The following DENND3 variants were observed in gnomAD, a reference collection of about 807,000 sequenced individuals.
The protein encoded by DENND3 is DENN domain-containing protein 3.
A neutral mutation model predicts 135.1 loss-of-function variants in DENND3; 88 were observed. That is an observed-to-expected ratio of 0.65 (90% confidence interval 0.55 to 0.78). The LOEUF is 0.78. Among genes scored for constraint, DENND3 ranks in the 30% least tolerant of loss-of-function variants. The probability of loss-of-function intolerance (pLI) is 0.00; values close to 1 mark genes in which losing one functional copy is unlikely to be tolerated. For missense variants in DENND3, 1,392 were observed against 1,688.4 expected, an observed-to-expected ratio of 0.82 and a Z score of 3.08; for synonymous variants, 693 against 712.3, an observed-to-expected ratio of 0.97 and a Z score of 0.43.
In DENND3 at chr8:141,144,120, G is replaced by T; in HGVS notation, c.624-28G>T. 6.4e-7 allele frequency: 1 copy of T among 1,573,514 alleles called. No homozygotes were observed. On this transcript the variant is annotated intron_variant, in intron 4 of 22. Transcript: ENST00000519811. This position sits in a 1 kb window ranked among gnomAD's most constrained non-coding sequence, Gnocchi z 4.4. ...AACTGCGTTCTCATCTTTATTTTGCGGTTTGAGTTTTGTGTTTCGAATTTC... is the reference window on the plus strand; with the variant it reads ...AACTGCGTTCTCATCTTTATTTTGCTGTTTGAGTTTTGTGTTTCGAATTTC...
At chr8:141,156,251 C>G (rs1365685972) in intron 8 of DENND3, among the ~76,000 whole-genome samples, 2 of 152,140 alleles carry the variant, frequency 1.3e-5, no homozygotes, top group Admixed American at 1.3e-4. Flanking sequence ...AGGCGCCCAC[C>G]ACCATGCCTG....
chr8:141,144,446 G>A lies in DENND3; in HGVS notation c.735+187G>A, dbSNP rs1817808299. 6.6e-6 allele frequency among the ~76,000 whole-genome samples: 1 copy of A among 151,752 alleles called. No homozygotes were observed. Among genetic ancestry groups the A allele is most frequent in the Admixed American group, 6.6e-5 (1 of 15,260 alleles). ...CCCTTTTGGCCAAGGGGACCCCAGA[G>A]AAACCCAAAAAACAGAATGACTGGC... is the stretch of plus-strand genomic sequence containing the variant. On this transcript the variant is annotated intron_variant, in intron 5 of 22. Transcript: ENST00000519811. This position sits in a 1 kb window ranked among gnomAD's most constrained non-coding sequence, Gnocchi z 4.4.
At chr8:141,158,132 G>A (rs1190082004) in intron 8 of DENND3, 1 of 1,286,118 alleles carries the variant, frequency 7.8e-7, no homozygotes, top group Admixed American at 2.4e-5. Flanking sequence ...CGATGGTCCT[G>A]CACAGGCAAG....
chr8:141,171,172 T>G (rs1291709382), intron 13 of DENND3, among the ~76,000 whole-genome samples: 1 of 152,140 alleles, frequency 6.6e-6, no homozygotes, highest in Non-Finnish European at 1.5e-5. Context: ...AAGCAGCACC[T>G]AATACATGTT....
chr8:141,184,105 T>C (rs73362495), intron 17 of DENND3, among the ~76,000 whole-genome samples: 8,322 of 152,318 alleles, frequency 0.055, 758 homozygotes, highest in African/African-American at 0.19. Context: ...GCCTACAGCC[T>C]CTTCCCCAGA....
Position 141,138,328 on chromosome 8 carries a change from C to G in DENND3, c.501+191C>G, listed in dbSNP as rs944550614. Among the ~76,000 whole-genome samples, 22 of 152,150 alleles carry G rather than the reference C, an allele frequency of 1.4e-4. No homozygotes were observed. Among genetic ancestry groups the G allele is most frequent in the African/African-American group, 4.6e-4 (19 of 41,414 alleles). On this transcript the variant is annotated intron_variant, in intron 3 of 22. Transcript: ENST00000519811. This position sits in a 1 kb window ranked among gnomAD's most constrained non-coding sequence, Gnocchi z 4.8. ...AACGCTTTCATCATCCCTGAAAACC[C>G]CATACCATTAAGCCTTCAGTCCTGC... is the stretch of plus-strand genomic sequence containing the variant.
intron 22 of DENND3, chr8:141,193,464 C>A (rs946271751): frequency 6.2e-6 from 1 of 161,118 alleles, no homozygotes; most frequent in Non-Finnish European, 1.4e-5. Flanking sequence ...CGTGAACCTG[C>A]GCAGCTAGAA....
Position 141,194,772 on chromosome 8 carries a change from A to G in DENND3, c.*539A>G, listed in dbSNP as rs1299540417. The stretch of plus-strand genomic sequence containing the variant: ...ACCACTGTGGGCTCTCTCCCATCAC[A>G]GAAGGTGGACAGGGCCTACCCAGGT... On this transcript the variant is annotated 3_prime_UTR_variant, in exon 23 of 23. Transcript: ENST00000519811. The G allele has an allele frequency of 6.5e-6, 1 of 154,732 alleles. No homozygotes were observed. The highest frequency in any genetic ancestry group is 2.4e-5 in the African/African-American group (1 of 41,470). The allele number at this position is 154,732 out of a possible 1,614,324, so 9.6% of individuals were successfully genotyped here. A position where few individuals can be genotyped will look rare whatever the true frequency, so the allele number is the denominator to read the frequency against.
chr8:141,136,081 C>T (rs750100982), intron 1 of DENND3, among the ~76,000 whole-genome samples: 7 of 149,890 alleles, frequency 4.7e-5, no homozygotes, highest in Admixed American at 1.3e-4. Context: ...CTGGCAGCCC[C>T]GCTGGGCTGA....
rs963051168 is a variant in DENND3 at position 141,137,058 on chromosome 8, C to T, written c.385+267C>T. On this transcript the variant is annotated intron_variant, in intron 2 of 22. Transcript: ENST00000519811. This position sits in a 1 kb window ranked among gnomAD's most constrained non-coding sequence, Gnocchi z 4.1. ...TCAGTGGCACAATCTCCTTTCACTT[C>T]ATCCTCTGCCTCCTGGGTTCAAGTG... Among the ~76,000 whole-genome samples, 5 of 152,194 alleles carry T rather than the reference C, an allele frequency of 3.3e-5. No individual in the cohort carries two copies. Among genetic ancestry groups the T allele is most frequent in the African/African-American group, 1.2e-4 (5 of 41,452 alleles).
rs117080113 is a variant in DENND3 at position 141,148,284 on chromosome 8, G to A, written c.736-2550G>A. On this transcript the variant is annotated intron_variant, in intron 5 of 22. Transcript: ENST00000519811. ...GGGGCCCCATGGCACAGGGGGTAGAGGACAGAGCCATGCCCTGTGCCTTGA... is the reference window on the plus strand; with the variant it reads ...GGGGCCCCATGGCACAGGGGGTAGAAGACAGAGCCATGCCCTGTGCCTTGA... Among the ~76,000 whole-genome samples the A allele has an allele frequency of 2.2e-3, 340 of 152,262 alleles. 3 individuals carry two copies. The East Asian group carries it at 0.029, about 13-fold the overall frequency.
intron 18 of DENND3, 33 bp downstream of exon 18, chr8:141,185,311 T>C: frequency 6.2e-7 from 1 of 1,612,300 alleles, no homozygotes; most frequent in Non-Finnish European, 8.5e-7. Context: ...AAGAAGCCTC[T>C]GAATTCACGT....
intron 17 of DENND3, among the ~76,000 whole-genome samples, chr8:141,183,209 G>A (rs1454150937): frequency 6.6e-6 from 1 of 152,114 alleles, no homozygotes; most frequent in Non-Finnish European, 1.5e-5. Context: ...ATACCATAAA[G>A]GAAAAGAATG....
Position 141,167,437 on chromosome 8 carries a change from G to T in DENND3, c.1754-567G>T, listed in dbSNP as rs1820953511. 6.6e-6 allele frequency among the ~76,000 whole-genome samples: 1 copy of T among 152,206 alleles called. No individual in the cohort carries two copies. The highest frequency in any genetic ancestry group is 1.5e-5 in the Non-Finnish European group (1 of 68,034). ...GGGAGAAGAGGAAACCCAGCACCCA[G>T]TTGGTGCCTAGCTCCTGGAGGGCCC... On this transcript the variant is annotated intron_variant, in intron 12 of 22. Coordinates refer to ENST00000519811, the MANE Select transcript of DENND3 (RefSeq NM_001352890.3). The surrounding 1 kb of genome is among the most constrained non-coding windows in gnomAD (Gnocchi z 4.1).
chr8:141,185,589 C>G, intron 18 of DENND3: 2 of 227,878 alleles, frequency 8.8e-6, no homozygotes, highest in Non-Finnish European at 8.9e-6. Context: ...CTTTGGGAGG[C>G]TGAGGTGGGT....
At chr8:141,135,811 G>C (rs1209791194) in intron 1 of DENND3, among the ~76,000 whole-genome samples, 1 of 152,206 alleles carries the variant, frequency 6.6e-6, no homozygotes, top group Non-Finnish European at 1.5e-5. Flanking sequence ...AAGTTGAGAA[G>C]AATTCAGGCC....
chr8:141,128,876 C>T lies in DENND3; in HGVS notation c.102+67C>T, dbSNP rs1288976511. The T allele has an allele frequency of 4.4e-5, 53 of 1,201,018 alleles. No homozygotes were observed. Among genetic ancestry groups the T allele is most frequent in the Non-Finnish European group, 5.7e-5 (52 of 917,958 alleles). 74.4% of individuals were successfully genotyped at this position (1,201,018 alleles called of 1,614,324 possible). ...GGCAGCCGGGACAGCAGTCGGAGAG[C>T]GGGCGCCCGGGTGCCCTGTGGGTTG... is the stretch of plus-strand genomic sequence containing the variant. On this transcript the variant is annotated intron_variant, in intron 1 of 22. Transcript: ENST00000519811. The surrounding 1 kb of genome is among the most constrained non-coding windows in gnomAD (Gnocchi z 4.5).
chr8:141,160,157 TC>T (rs1197432106), intron 8 of DENND3, among the ~76,000 whole-genome samples: 1 of 151,154 alleles, frequency 6.6e-6, no homozygotes, highest in East Asian at 1.9e-4. Flanking sequence ...AATCCACTCT[TC>T]CAGTCTTCCA....
rs368764064 is a variant in DENND3, at chr8:141,175,151, C to T, written c.2276-49C>T. On this transcript the variant is annotated intron_variant, in intron 13 of 22. Coordinates refer to ENST00000519811, the MANE Select transcript of DENND3 (RefSeq NM_001352890.3). The surrounding 1 kb of genome is among the most constrained non-coding windows in gnomAD (Gnocchi z 5.4). ...GTCATGGAGAAGCCCTTGGGGCTCC[C>T]GAGGTATGTGGCTGTAAGATACCTC... 42 of 1,563,520 alleles carry T rather than the reference C, an allele frequency of 2.7e-5. No individual in the cohort carries two copies. The highest frequency in any genetic ancestry group is 4.1e-5 in the African/African-American group (3 of 73,202).
Sources: allele counts gnomAD v4.1 joint callset (sites outside exome capture counted in the v4.1 genomes callset), GRCh38; gene constraint gnomAD v4.1.1; non-coding constraint Gnocchi (gnomAD v3.1); transcripts MANE v1.5; gene names NCBI Gene and HGNC (gene_info 2026-07-23, HGNC 2026-07-21).